The following LILRA6 variants were observed in gnomAD, a reference collection of about 807,000 sequenced individuals.
LILRA6 encodes leukocyte immunoglobulin-like receptor subfamily A member 6.
Under a neutral mutation model 53.9 loss-of-function variants are expected in LILRA6, and 16 were observed. That is an observed-to-expected ratio of 0.30 (90% confidence interval 0.20 to 0.45). The LOEUF (loss-of-function observed/expected upper bound fraction) is 0.45, where lower values mean the gene tolerates loss of function less well. Among genes scored for constraint, LILRA6 ranks in the 20% least tolerant of loss-of-function variants. The probability of loss-of-function intolerance (pLI) is 1.00; values close to 1 mark genes in which losing one functional copy is unlikely to be tolerated. For missense variants in LILRA6, 306 were observed against 618.6 expected, an observed-to-expected ratio of 0.49 and a Z score of 5.36; for synonymous variants, 135 against 256.4, an observed-to-expected ratio of 0.53 and a Z score of 4.52.
At chr19:54,239,249 G>A (rs2078683744) in intron 7 of LILRA6, 160 bp from the exon 8 acceptor site, 1 of 1,527,400 alleles carries the variant, frequency 6.5e-7, no homozygotes, top group African/African-American at 1.4e-5. Flanking sequence ...ATGGGGTGAG[G>A]GTCTCAGCTC....
intron 5 of LILRA6, 83 bp from the exon 6 acceptor site, chr19:54,240,659 G>A: frequency 1.9e-6 from 3 of 1,557,510 alleles, no homozygotes; most frequent in Middle Eastern, 1.8e-4. Context: ...GGGACCCTCA[G>A]TGTCTCTGTC....
At chr19:54,238,920 C>G in exon 8 of LILRA6, 1 of 1,605,406 alleles carries the variant, frequency 6.2e-7, no homozygotes, top group Admixed American at 1.7e-5. Flanking sequence ...TGAGGCTCCA[C>G]CACGCTGAAG....
At chr19:54,240,756 C>G in intron 5 of LILRA6, 75 bp downstream of exon 5, 1 of 1,599,070 alleles carries the variant, frequency 6.3e-7, no homozygotes, top group Non-Finnish European at 8.5e-7. Flanking sequence ...CTCATCCCGG[C>G]CATCACCACC....
At chr19:54,240,059 C>T (rs1229279450) in intron 6 of LILRA6, 108 bp from the exon 7 acceptor site, 2 of 1,469,120 alleles carry the variant, frequency 1.4e-6, no homozygotes, top group Admixed American at 2.4e-5. Flanking sequence ...AACCATCTCT[C>T]TGCCCACCTG....
chr19:54,242,650 C>A lies in LILRA6; in HGVS notation c.34+68G>T, dbSNP rs1313207620. 5 of 1,095,088 alleles carry A rather than the reference C, an allele frequency of 4.6e-6. 1 individual carries two copies. The African/African-American group carries it at 9.7e-5, about 21-fold the overall frequency. The allele number at this position is 1,095,088 out of a possible 1,614,324, so 67.8% of individuals were successfully genotyped here. A position where few individuals can be genotyped will look rare whatever the true frequency, so the allele number is the denominator to read the frequency against. On this transcript the variant is annotated intron_variant, in intron 1 of 7. Transcript: ENST00000396365. Reference sequence around the variant, plus strand: ...GAGCTTTTGAGGTCTCCTGATGGACCAGGGCTTGTGTGTGGGGTGGGGTTC... The same window carrying A: ...GAGCTTTTGAGGTCTCCTGATGGACAAGGGCTTGTGTGTGGGGTGGGGTTC...
chr19:54,237,255 C>T (rs1333310290), downstream of LILRA6: 4 of 150,648 alleles, frequency 2.7e-5, no homozygotes, highest in Non-Finnish European at 4.4e-5. Flanking sequence ...CCTAGCTACT[C>T]AGGAGGCTGA....
chr19:54,239,187 G>A, intron 7 of LILRA6, 98 bp from the exon 8 acceptor site: 1 of 1,582,942 alleles, frequency 6.3e-7, no homozygotes, highest in Middle Eastern at 1.7e-4. Context: ...ATCCGCCATT[G>A]ACAGAACCTG....
At chr19:54,238,814 A>T in exon 8 of LILRA6, 1 of 1,440,090 alleles carries the variant, frequency 6.9e-7, no homozygotes. Flanking sequence ...GTGATCAGAC[A>T]TGATTACCTT....
At position 54,239,638 on chromosome 19, in the gene LILRA6, G is replaced by A. The variant is rs550300874; in HGVS notation, c.1309+263C>T. ...GGAGTCACTGGCCTGACCCTGGGGGGTTGAGGGGCTGGTCCTCAGGACCTC... is the reference window on the plus strand; with the variant it reads ...GGAGTCACTGGCCTGACCCTGGGGGATTGAGGGGCTGGTCCTCAGGACCTC... On this transcript the variant is annotated intron_variant, in intron 7 of 7. Coordinates refer to ENST00000396365, the Ensembl canonical transcript of LILRA6. 8.8e-5 allele frequency: 124 copies of A among 1,415,126 alleles called. 1 individual carries two copies. The South Asian group carries it at 1.5e-3, about 17-fold the overall frequency. The allele number at this position is 1,415,126 out of a possible 1,614,324, so 87.7% of individuals were successfully genotyped here.
chr19:54,239,456 C>T, intron 7 of LILRA6: 1 of 623,032 alleles, frequency 1.6e-6, no homozygotes, highest in Non-Finnish European at 2.7e-6. Context: ...TTCAACGCTG[C>T]TCCTGAGCCA....
rs949903980 is a variant in LILRA6, at chr19:54,238,879, C to A, written c.*74G>T. On this transcript the variant is annotated 3_prime_UTR_variant, in exon 8 of 8. Transcript: ENST00000396365. ...CCTCTGGAGGTCCTAGATTGTCCTC[C>A]AGAGCCTTCTGGGATCATCAGATCT... 1.9e-6 allele frequency: 3 copies of A among 1,575,326 alleles called. No individual in the cohort carries two copies. The East Asian group carries it at 6.8e-5, about 36-fold the overall frequency.
exon 5 of LILRA6, chr19:54,240,949 G>A (rs2078745473): frequency 6.2e-7 from 1 of 1,614,050 alleles, no homozygotes; most frequent in Admixed American, 1.7e-5. Flanking sequence ...GGGTGAAGTT[G>A]GCCTGGGAGA....
chr19:54,240,925 G>T (rs752768746), exon 5 of LILRA6: 2 of 1,614,074 alleles, frequency 1.2e-6, no homozygotes, highest in East Asian at 4.5e-5. Context: ...CGTGGGAGGG[G>T]CTCACAGGGC....
At chr19:54,240,538 C>T in exon 6 of LILRA6, 1 of 1,609,630 alleles carries the variant, frequency 6.2e-7, no homozygotes, top group Non-Finnish European at 8.5e-7. Context: ...ACTGTGGGGC[C>T]CGGCTGTGCT....
intron 7 of LILRA6, 112 bp from the exon 8 acceptor site, chr19:54,239,201 C>T (rs980429148): frequency 1.1e-5 from 18 of 1,574,692 alleles, no homozygotes; most frequent in Non-Finnish European, 1.5e-5. Flanking sequence ...GAACCTGACC[C>T]TCTGTGCCCG....
chr19:54,241,453 A>G, intron 4 of LILRA6, 123 bp downstream of exon 4: 2 of 1,200,048 alleles, frequency 1.7e-6, no homozygotes, highest in Non-Finnish European at 2.3e-6. Flanking sequence ...GGTCTCCCTC[A>G]TGCCTTCAGC....
chr19:54,240,947 T>C (rs376758080), exon 5 of LILRA6: 1 of 1,614,040 alleles, frequency 6.2e-7, no homozygotes, highest in African/African-American at 1.3e-5. Context: ...CAGGGTGAAG[T>C]TGGCCTGGGA....
At chr19:54,239,552 C>A (rs1296262430) in intron 7 of LILRA6, 9 of 879,088 alleles carry the variant, frequency 1.0e-5, no homozygotes, top group Non-Finnish European at 1.6e-5. Flanking sequence ...AGAGCCTGAG[C>A]TGAGCATTTG....
chr19:54,239,110 G>A (rs767404962), intron 7 of LILRA6, 21 bp from the exon 8 acceptor site: 1 of 1,610,722 alleles, frequency 6.2e-7, no homozygotes, highest in Non-Finnish European at 8.5e-7. Context: ...TGGGCAAAGA[G>A]GTCACAGAGG....
Sources: allele counts gnomAD v4.1 joint callset, GRCh38; gene constraint gnomAD v4.1.1; transcripts MANE v1.5; gene names NCBI Gene and HGNC (gene_info 2026-07-23, HGNC 2026-07-21).